Variants in CCSER1 observed in about 807,000 individuals in gnomAD.
CCSER1 encodes serine-rich coiled-coil domain-containing protein 1.
CCSER1 carries 41 observed loss-of-function variants against 82.0 expected under a neutral mutation model. The ratio of observed to expected loss-of-function variants is 0.50; its 90% confidence interval spans 0.39 to 0.65. The LOEUF is 0.65. Among genes scored for constraint, CCSER1 ranks in the 30% least tolerant of loss-of-function variants. CCSER1 has a pLI of 0.00. For synonymous variants in CCSER1, 414 were observed against 383.9 expected (o/e 1.08, Z -0.92); for missense variants, 1,119 against 1,064.2 (o/e 1.05, Z -0.72).
chr4:90,755,094 C>T (rs1426099827), intron 7 of CCSER1, among the ~76,000 whole-genome samples: 3 of 152,150 alleles, frequency 2.0e-5, no homozygotes, highest in African/African-American at 7.2e-5. Flanking sequence ...TAAGGAGCTA[C>T]TCTGGAAACC....
intron 10 of CCSER1, among the ~76,000 whole-genome samples, chr4:91,308,490 T>A (rs1047432363): frequency 1.3e-5 from 2 of 152,008 alleles, no homozygotes; most frequent in African/African-American, 2.4e-5. Flanking sequence ...TGTCTGGGCC[T>A]ACTAGGAACT....
At chr4:90,868,829 A>T (rs1766074960) in intron 8 of CCSER1, among the ~76,000 whole-genome samples, 1 of 152,072 alleles carries the variant, frequency 6.6e-6, no homozygotes, top group African/African-American at 2.4e-5. Flanking sequence ...CCAATAGTGT[A>T]CGAGGGTTCC....
At chr4:90,834,852 ACAGT>A (rs1291928681) in intron 8 of CCSER1, among the ~76,000 whole-genome samples, 3 of 152,222 alleles carry the variant, frequency 2.0e-5, no homozygotes, top group Non-Finnish European at 4.4e-5. Flanking sequence ...CAGAATACTT[ACAGT>A]TATTGAGCCT....
At chr4:90,799,563 C>T (rs1237528328) in intron 7 of CCSER1, among the ~76,000 whole-genome samples, 6 of 152,102 alleles carry the variant, frequency 3.9e-5, no homozygotes, top group African/African-American at 1.4e-4. Context: ...CGAGACTGCC[C>T]TGCAAGCAGT....
chr4:90,775,044 A>G (rs1412419570), intron 7 of CCSER1, among the ~76,000 whole-genome samples: 4 of 152,172 alleles, frequency 2.6e-5, no homozygotes, highest in African/African-American at 9.6e-5. Flanking sequence ...TTTATTGACA[A>G]GATCCTTTTC....
At chr4:90,202,306 G>A (rs1039890408) in intron 1 of CCSER1, among the ~76,000 whole-genome samples, 6 of 151,698 alleles carry the variant, frequency 4.0e-5, no homozygotes, top group Non-Finnish European at 5.9e-5. Context: ...AGGTTCAAGC[G>A]ATTCTTGTGC....
chr4:90,907,978 T>G (rs1283588111), intron 8 of CCSER1, among the ~76,000 whole-genome samples: 1 of 152,124 alleles, frequency 6.6e-6, no homozygotes. Context: ...GCATATTCTC[T>G]CATCCACCCA....
rs373833708 is a variant in CCSER1, at chr4:90,460,235, G to A, written c.1604-7999G>A. On this transcript the variant is annotated intron_variant, in intron 4 of 10. Transcript: ENST00000509176. ...AGCTACACAGGAGGCTGAGGCAGGAGAATGGCGTGAACCCGGGAGGCGGAG... is the reference window on the plus strand; with the variant it reads ...AGCTACACAGGAGGCTGAGGCAGGAAAATGGCGTGAACCCGGGAGGCGGAG... Among the ~76,000 whole-genome samples the A allele has an allele frequency of 4.7e-3, 661 of 141,322 alleles. 25 individuals are homozygous for A. Among genetic ancestry groups the A allele is most frequent in the African/African-American group, 0.019 (636 of 34,040 alleles). The allele number at this position is 141,322 out of a possible 152,430, so 92.7% of individuals were successfully genotyped here. A position where few individuals can be genotyped will look rare whatever the true frequency, so the allele number is the denominator to read the frequency against.
At chr4:91,307,002 T>C (rs904126893) in intron 10 of CCSER1, among the ~76,000 whole-genome samples, 1 of 152,000 alleles carries the variant, frequency 6.6e-6, no homozygotes. Context: ...ACAATTATTC[T>C]TGGTTGAAAT....
At chr4:91,063,089 A>G (rs1744093415) in intron 9 of CCSER1, among the ~76,000 whole-genome samples, 1 of 152,122 alleles carries the variant, frequency 6.6e-6, no homozygotes, top group Non-Finnish European at 1.5e-5. Context: ...TATGTCATGA[A>G]AAGTTACATT....
intron 10 of CCSER1, among the ~76,000 whole-genome samples, chr4:91,587,405 C>A (rs578259471): frequency 3.0e-4 from 45 of 151,804 alleles, no homozygotes; most frequent in African/African-American, 9.9e-4. Flanking sequence ...ATCTTATTAC[C>A]ATGTCTTTCC....
chr4:91,341,989 G>A (rs1406746674), intron 10 of CCSER1, among the ~76,000 whole-genome samples: 1 of 152,136 alleles, frequency 6.6e-6, no homozygotes, highest in Non-Finnish European at 1.5e-5. Flanking sequence ...GTAGGAAAGG[G>A]CACAGAGTAA....
At chr4:90,817,104 A>G (rs1018730506) in intron 8 of CCSER1, among the ~76,000 whole-genome samples, 4 of 152,292 alleles carry the variant, frequency 2.6e-5, no homozygotes, top group African/African-American at 9.6e-5. Flanking sequence ...TATATATTAC[A>G]TAATGAAAAC....
In CCSER1 at chr4:90,738,409, A is replaced by AT. The variant is rs1050567898; in HGVS notation, c.2010+14427dup. Among the ~76,000 whole-genome samples the AT allele has an allele frequency of 5.3e-3, 803 of 151,192 alleles. 6 individuals carry two copies. Among genetic ancestry groups the AT allele is most frequent in the African/African-American group, 0.019 (766 of 41,206 alleles). On this transcript the variant is annotated intron_variant, in intron 7 of 10. Transcript: ENST00000509176. ...TTGGTTCTTGGCTAGGGTCAGGCGA[A>AT]TTTTTTTTTGCTTTACCATACAGAG...
chr4:90,996,564 A>T (rs911843665), intron 9 of CCSER1, among the ~76,000 whole-genome samples: 1 of 152,138 alleles, frequency 6.6e-6, no homozygotes, highest in Non-Finnish European at 1.5e-5. Flanking sequence ...GAATTATGTA[A>T]CTTTCATCAG....
chr4:90,193,151 T>A (rs1735961388), intron 1 of CCSER1, among the ~76,000 whole-genome samples: 1 of 152,088 alleles, frequency 6.6e-6, no homozygotes, highest in Non-Finnish European at 1.5e-5. Context: ...GCATGTGTAG[T>A]AACCATGAAT....
At chr4:91,265,048 A>T (rs1327398556) in intron 10 of CCSER1, among the ~76,000 whole-genome samples, 3 of 152,002 alleles carry the variant, frequency 2.0e-5, no homozygotes, top group African/African-American at 7.2e-5. Context: ...GATTTTATAA[A>T]CCATAAGAAA....
At chr4:90,791,626 G>T (rs182878080) in intron 7 of CCSER1, among the ~76,000 whole-genome samples, 28 of 152,154 alleles carry the variant, frequency 1.8e-4, no homozygotes, top group African/African-American at 6.7e-4. Flanking sequence ...CAAGGCGGGC[G>T]GATCACGAGG....
chr4:90,612,275 T>C (rs1051605347), intron 5 of CCSER1, among the ~76,000 whole-genome samples: 1 of 152,186 alleles, frequency 6.6e-6, no homozygotes, highest in African/African-American at 2.4e-5. Context: ...AGATCATTAT[T>C]ATTTTTTAAT....
Sources: gnomAD v4.1 joint callset for allele counts (sites outside exome capture counted in the v4.1 genomes callset) on GRCh38, gnomAD v4.1.1 for gene constraint, MANE v1.5 for transcripts, NCBI Gene and HGNC (gene_info 2026-07-23, HGNC 2026-07-21) for gene names.